COL14A1: variants seen among roughly 807,000 people sequenced by gnomAD.
COL14A1 encodes the protein collagen type XIV alpha 1 chain, also known as collagen alpha-1(XIV) chain.
A neutral mutation model predicts 230.3 loss-of-function variants in COL14A1; 136 were observed. That is an observed-to-expected ratio of 0.59 (90% CI 0.51 to 0.68). The LOEUF is 0.68. COL14A1 is among the 30% of genes least tolerant of loss of function. The pLI is 0.00. For synonymous variants in COL14A1, 792 were observed against 784.1 expected (o/e 1.01, Z -0.17); for missense variants, 1,976 against 2,215.8 (o/e 0.89, Z 2.17).
rs1254362107 is a variant in COL14A1 at position 120,162,443 on chromosome 8, C to T, written c.223C>T (p.Leu75=). The part of the protein sequence containing the change: ...TPTSGGKTNQ[L]NLQNTATKAI... ...TATTATAGGTGGAAAAACTAACCAG[C>T]TGAATCTGCAGAACACTGCAACTAA... The change falls in exon 4 of 48, where the codon CTG becomes TTG. Residue 75 remains leucine (L), a synonymous_variant. Transcript: ENST00000297848. The T allele has an allele frequency of 1.2e-6, 2 of 1,601,756 alleles. No individual in the cohort carries two copies. The highest frequency in any genetic ancestry group is 8.5e-7 in the Non-Finnish European group (1 of 1,175,522).
intron 38 of COL14A1, 139 bp from the exon 39 acceptor site, chr8:120,315,391 AAAG>A (rs1379092260): frequency 5.9e-6 from 2 of 339,536 alleles, no homozygotes; most frequent in African/African-American, 4.9e-5. Context: ...AAAAAAAAAA[AAAG>A]TGTATATATA....
At chr8:120,313,004 A>T (rs1182968554) in intron 37 of COL14A1, among the ~76,000 whole-genome samples, 1 of 152,200 alleles carries the variant, frequency 6.6e-6, no homozygotes, top group Non-Finnish European at 1.5e-5. Flanking sequence ...AACAAGATCC[A>T]AGCTACAGAA....
At chr8:120,218,755 G>A (rs1031697672) in intron 14 of COL14A1, among the ~76,000 whole-genome samples, 2 of 152,192 alleles carry the variant, frequency 1.3e-5, no homozygotes, top group African/African-American at 4.8e-5. Context: ...ACTGGTGGAT[G>A]GGAAGTGTGT....
At chr8:120,277,940 T>G in intron 26 of COL14A1, 171 bp from the exon 27 acceptor site, 1 of 546,160 alleles carries the variant, frequency 1.8e-6, no homozygotes, top group Admixed American at 3.0e-5. Context: ...AAAGATGTAT[T>G]TAATTTGTCT....
chr8:120,211,103 A>G (rs114686901), intron 12 of COL14A1, among the ~76,000 whole-genome samples: 1,671 of 152,294 alleles, frequency 0.011, 21 homozygotes, highest in African/African-American at 0.037. Context: ...AGATTGGTAC[A>G]GCTCCTTTGG....
chr8:120,133,230 TAA>T (rs201816439), intron 1 of COL14A1, among the ~76,000 whole-genome samples: 52 of 115,160 alleles, frequency 4.5e-4, no homozygotes, highest in Admixed American at 3.2e-3. Context: ...AAAAAAAAAA[TAA>T]AAAAAAAAAA....
intron 5 of COL14A1, among the ~76,000 whole-genome samples, chr8:120,195,316 G>A (rs1364538551): frequency 6.6e-6 from 1 of 151,708 alleles, no homozygotes; most frequent in African/African-American, 2.4e-5. Context: ...CATTATATAT[G>A]TTAAAAAAAT....
At chr8:120,324,699 A>G (rs1273301498) in intron 40 of COL14A1, among the ~76,000 whole-genome samples, 1 of 152,218 alleles carries the variant, frequency 6.6e-6, no homozygotes, top group East Asian at 1.9e-4. Context: ...CATCAGTTGA[A>G]TAACCTTAAC....
intron 5 of COL14A1, among the ~76,000 whole-genome samples, chr8:120,182,601 A>G (rs771841475): frequency 5.9e-5 from 9 of 152,210 alleles, no homozygotes; most frequent in Non-Finnish European, 1.3e-4. Context: ...ATTTCATTTT[A>G]AAATAGAGGT....
chr8:120,156,161 T>G (rs1390878701), intron 2 of COL14A1, among the ~76,000 whole-genome samples: 1 of 131,622 alleles, frequency 7.6e-6, no homozygotes, highest in Non-Finnish European at 1.6e-5. Flanking sequence ...TCTAGCTCAA[T>G]GAAGGGTGAC....
intron 40 of COL14A1, among the ~76,000 whole-genome samples, chr8:120,323,065 T>C (rs75461686): frequency 0.4 from 61,231 of 152,060 alleles, 12,588 homozygotes; most frequent in Middle Eastern, 0.48. Flanking sequence ...CCAGCATCTG[T>C]CTTTTTGTTT....
intron 40 of COL14A1, among the ~76,000 whole-genome samples, chr8:120,327,287 G>A (rs1821709807): frequency 6.6e-6 from 1 of 152,042 alleles, no homozygotes; most frequent in Non-Finnish European, 1.5e-5. Flanking sequence ...AATTGCCCTT[G>A]GAAATGTTAT....
chr8:120,280,609 C>A, intron 29 of COL14A1, 102 bp from the exon 30 acceptor site: 3 of 1,117,624 alleles, frequency 2.7e-6, no homozygotes, highest in South Asian at 1.3e-5. Context: ...CCACAATCAA[C>A]TTCTGGAAAG....
chr8:120,326,957 C>T (rs576654059), intron 40 of COL14A1, among the ~76,000 whole-genome samples: 214 of 152,092 alleles, frequency 1.4e-3, no homozygotes, highest in African/African-American at 5.0e-3. Context: ...GCCTGGGAGG[C>T]GGAGGTTGCC....
intron 5 of COL14A1, among the ~76,000 whole-genome samples, chr8:120,175,568 A>G (rs569971934): frequency 1.3e-5 from 2 of 152,186 alleles, no homozygotes; most frequent in African/African-American, 4.8e-5. Context: ...TCAGCAAACT[A>G]TGGCCCATGG....
At chr8:120,202,422 G>A (rs1386438437) in intron 8 of COL14A1, among the ~76,000 whole-genome samples, 1 of 152,130 alleles carries the variant, frequency 6.6e-6, no homozygotes, top group Non-Finnish European at 1.5e-5. Flanking sequence ...GTTGCCCCAG[G>A]TAATTTCTCT....
At chr8:120,148,494 T>C (rs186397711) in intron 2 of COL14A1, among the ~76,000 whole-genome samples, 112 of 152,314 alleles carry the variant, frequency 7.4e-4, no homozygotes, top group African/African-American at 2.6e-3. Context: ...ATTTTTATGT[T>C]ATGATATCAG....
intron 24 of COL14A1, among the ~76,000 whole-genome samples, chr8:120,263,226 T>C (rs1485379794): frequency 6.6e-6 from 1 of 152,184 alleles, no homozygotes; most frequent in Non-Finnish European, 1.5e-5. Flanking sequence ...ATTCTCCATA[T>C]ATGTTTCACA....
intron 46 of COL14A1, among the ~76,000 whole-genome samples, chr8:120,367,939 G>A (rs1399485141): frequency 2.0e-5 from 3 of 148,356 alleles, no homozygotes; most frequent in African/African-American, 7.5e-5. Context: ...GGGAGACCCT[G>A]TCTCGAAAAA....
Sources: allele counts gnomAD v4.1 joint callset (sites outside exome capture counted in the v4.1 genomes callset), GRCh38; gene constraint gnomAD v4.1.1; transcripts MANE v1.5; gene names NCBI Gene and HGNC (gene_info 2026-07-23, HGNC 2026-07-21).